The following USP34 variants were observed in gnomAD, a reference collection of about 807,000 sequenced individuals.
USP34 encodes ubiquitin carboxyl-terminal hydrolase 34.
In USP34, 70 loss-of-function variants were observed where a neutral mutation model predicts 460.3. The ratio of observed to expected loss-of-function variants is 0.15; its 90% CI spans 0.13 to 0.19. The LOEUF (loss-of-function observed/expected upper bound fraction) is 0.19, where lower values mean the gene tolerates loss of function less well. Ranked by LOEUF, USP34 falls within the 10% of genes least tolerant of loss-of-function variation. The probability of loss-of-function intolerance (pLI) is 1.00; values close to 1 mark genes in which losing one functional copy is unlikely to be tolerated. For synonymous variants in USP34, 1,647 were observed against 1,405.3 expected (o/e 1.17, Z -3.85); for missense variants, 3,985 against 4,236.2 (o/e 0.94, Z 1.65).
chr2:61,187,764 C>T lies in USP34; in HGVS notation c.*338G>A. Reference sequence around the variant, plus strand: ...AAAACTGGCACAGAGGACACCATATCATACACAGTAAAAATGCTGTAAGTT... The same window carrying T: ...AAAACTGGCACAGAGGACACCATATTATACACAGTAAAAATGCTGTAAGTT... On this transcript the variant is annotated 3_prime_UTR_variant, in exon 80 of 80. Transcript: ENST00000398571. 1 of 593,254 alleles carries T rather than the reference C, an allele frequency of 1.7e-6. No homozygotes were observed. Among genetic ancestry groups the T allele is most frequent in the South Asian group, 5.7e-5 (1 of 17,564 alleles). 36.7% of individuals were successfully genotyped at this position (593,254 alleles called of 1,614,324 possible). A position where few individuals can be genotyped will look rare whatever the true frequency, so the allele number is the denominator to read the frequency against.
intron 51 of USP34, among the ~76,000 whole-genome samples, chr2:61,243,883 A>T (rs72811469): frequency 2.0e-5 from 3 of 150,268 alleles, no homozygotes; most frequent in Non-Finnish European, 4.4e-5. Context: ...AAAAAAAAGG[A>T]GACATTCTAG....
At chr2:61,269,323 A>ATTTTT (rs397869885) in intron 41 of USP34, among the ~76,000 whole-genome samples, 1 of 135,022 alleles carries the variant, frequency 7.4e-6, no homozygotes, top group South Asian at 2.4e-4. Context: ...ACCTTGGCTA[A>ATTTTT]TTTTTTTTTT....
intron 18 of USP34, among the ~76,000 whole-genome samples, chr2:61,335,505 C>T (rs1382294237): frequency 1.3e-5 from 2 of 152,216 alleles, no homozygotes; most frequent in Non-Finnish European, 1.5e-5. Context: ...AATCCCAACA[C>T]TTTGGGAAGT....
At chr2:61,240,536 C>T (rs1688223056) in intron 53 of USP34, among the ~76,000 whole-genome samples, 1 of 152,038 alleles carries the variant, frequency 6.6e-6, no homozygotes, top group Admixed American at 6.5e-5. Flanking sequence ...CCTCGGCCTC[C>T]CAAAGTGCTG....
At position 61,188,959 on chromosome 2, in the gene USP34, T is replaced by C. The variant is rs781687292; in HGVS notation, c.9984A>G (p.Gln3328=). The change falls in exon 79 of 80, where the codon CAA becomes CAG. Residue 3328 remains glutamine (Q), a synonymous_variant. Coordinates refer to ENST00000398571, the MANE Select transcript of USP34 (RefSeq NM_014709.4). ...CTTGCTCTTGGAGTGAGTTTCTCTG[T>C]TGCAGACAAGTCCTGCATTTGCTTA... ...ELLSKCRTCL[Q]QRNSLQEQEA... The C allele has an allele frequency of 6.8e-6, 11 of 1,614,140 alleles. No individual in the cohort carries two copies. In the African/African-American group the frequency reaches 1.3e-4, roughly 20 times the overall value.
At chr2:61,461,439 G>GAA (rs145041962) in intron 1 of USP34, among the ~76,000 whole-genome samples, 1 of 148,304 alleles carries the variant, frequency 6.7e-6, no homozygotes, top group Non-Finnish European at 1.5e-5. Context: ...CTGAAATACA[G>GAA]AAAAAAAAAC....
chr2:61,331,188 T>A (rs1169398944), intron 20 of USP34, 88 bp downstream of exon 20: 1 of 1,114,794 alleles, frequency 9.0e-7, no homozygotes, highest in Non-Finnish European at 1.3e-6. Context: ...TTACTTATTA[T>A]ATGAAAAAAA....
chr2:61,237,435 C>T (rs1688099736), intron 53 of USP34, among the ~76,000 whole-genome samples: 1 of 151,664 alleles, frequency 6.6e-6, no homozygotes, highest in Non-Finnish European at 1.5e-5. Context: ...GCTGGTAATA[C>T]TGTGGTTTCT....
chr2:61,418,799 T>G (rs1694274087), intron 2 of USP34, among the ~76,000 whole-genome samples: 1 of 152,192 alleles, frequency 6.6e-6, no homozygotes, highest in South Asian at 2.1e-4. Flanking sequence ...ATTAAGAGTA[T>G]GCACAATTAA....
intron 70 of USP34, chr2:61,208,620 T>C (rs1687187180): frequency 5.1e-6 from 1 of 196,360 alleles, no homozygotes; most frequent in Non-Finnish European, 1.0e-5. Flanking sequence ...GTATTTCATT[T>C]TTGTCCCTAC....
chr2:61,369,673 G>A (rs758987020), intron 10 of USP34, among the ~76,000 whole-genome samples: 157 of 144,736 alleles, frequency 1.1e-3, no homozygotes, highest in Non-Finnish European at 2.2e-3. Flanking sequence ...AAAAGACTGA[G>A]GGAAAAAATA....
At chr2:61,349,349 T>C in intron 12 of USP34, 64 bp from the exon 13 acceptor site, 1 of 1,524,200 alleles carries the variant, frequency 6.6e-7, no homozygotes, top group Non-Finnish European at 9.0e-7. Context: ...TGAGACAGCG[T>C]ATCAGTTGTT....
intron 33 of USP34, among the ~76,000 whole-genome samples, chr2:61,291,906 G>A (rs1385759852): frequency 6.6e-6 from 1 of 152,116 alleles, no homozygotes; most frequent in Non-Finnish European, 1.5e-5. Context: ...ATTGATACTT[G>A]CTACTTCCAA....
At chr2:61,192,233 AAC>A (rs1686665888) in intron 76 of USP34, among the ~76,000 whole-genome samples, 1 of 152,238 alleles carries the variant, frequency 6.6e-6, no homozygotes, top group Admixed American at 6.5e-5. Context: ...CAGTACAATC[AAC>A]AGTTTTTTCA....
At chr2:61,462,842 A>G (rs1358692689) in intron 1 of USP34, among the ~76,000 whole-genome samples, 1 of 146,804 alleles carries the variant, frequency 6.8e-6, no homozygotes, top group African/African-American at 2.5e-5. Context: ...AGCCTGGGAG[A>G]CAGAGGGAAA....
chr2:61,263,459 G>T (rs1344069927), intron 43 of USP34, among the ~76,000 whole-genome samples: 3 of 151,214 alleles, frequency 2.0e-5, no homozygotes, highest in Non-Finnish European at 2.9e-5. Context: ...GGGATTACAG[G>T]CGTGAGCTAC....
intron 3 of USP34, among the ~76,000 whole-genome samples, chr2:61,403,762 C>G (rs376547327): frequency 1.3e-5 from 2 of 151,750 alleles, no homozygotes; most frequent in African/African-American, 4.8e-5. Flanking sequence ...CAGAAGCGGG[C>G]GGATCACAAG....
At chr2:61,399,403 C>T (rs191239059) in intron 3 of USP34, among the ~76,000 whole-genome samples, 93 of 151,552 alleles carry the variant, frequency 6.1e-4, no homozygotes, top group Non-Finnish European at 4.1e-4. Flanking sequence ...GATTTGATTA[C>T]ATCTATTTTG....
chr2:61,445,947 C>CA (rs796603713), intron 1 of USP34, among the ~76,000 whole-genome samples: 4,999 of 135,736 alleles, frequency 0.037, 267 homozygotes, highest in African/African-American at 0.12. Flanking sequence ...GACTCTGTTT[C>CA]AAAAAAAAAA....
Sources: allele counts gnomAD v4.1 joint callset (sites outside exome capture counted in the v4.1 genomes callset), GRCh38; gene constraint gnomAD v4.1.1; transcripts MANE v1.5; gene names NCBI Gene and HGNC (gene_info 2026-07-23, HGNC 2026-07-21).